PDE1C: variants seen among roughly 807,000 people sequenced by gnomAD.
The protein encoded by PDE1C is phosphodiesterase 1C.
PDE1C carries 62 observed loss-of-function variants against 93.1 expected under a neutral mutation model. That is an observed-to-expected ratio of 0.67 (90% CI 0.54 to 0.82). PDE1C has a LOEUF of 0.82. Ranked by LOEUF, PDE1C falls within the 40% of genes least tolerant of loss-of-function variation. The pLI, the probability that PDE1C is intolerant of heterozygous loss-of-function variation, is 0.00. For synonymous variants in PDE1C, 325 were observed against 310.1 expected (o/e 1.05, Z -0.50); for missense variants, 742 against 884.6 (o/e 0.84, Z 2.04).
At chr7:31,898,623 T>C (rs1470674790) in intron 2 of PDE1C, among the ~76,000 whole-genome samples, 1 of 152,226 alleles carries the variant, frequency 6.6e-6, no homozygotes, top group Non-Finnish European at 1.5e-5. Context: ...TTATTTTGGC[T>C]TTTATTTGAT....
At chr7:31,917,680 A>G (rs933834840) in intron 2 of PDE1C, among the ~76,000 whole-genome samples, 4 of 152,194 alleles carry the variant, frequency 2.6e-5, no homozygotes, top group Non-Finnish European at 5.9e-5. Flanking sequence ...CCTGTCCCCA[A>G]TTATTACATT....
At chr7:31,649,633 G>A in the PDE1C span, among the ~76,000 whole-genome samples, 1 of 152,140 alleles carries the variant, frequency 6.6e-6, no homozygotes, top group Non-Finnish European at 1.5e-5. Context: ...CAAGCCTGTG[G>A]GTCTGATAGA....
chr7:32,027,441 T>C (rs901753270), intron 2 of PDE1C, among the ~76,000 whole-genome samples: 10 of 151,974 alleles, frequency 6.6e-5, no homozygotes, highest in South Asian at 4.2e-4. Context: ...TTTCTGTTTG[T>C]TTGTGCTTAT....
intron 1 of PDE1C, among the ~76,000 whole-genome samples, chr7:32,409,924 A>G (rs1785131250): frequency 6.6e-6 from 1 of 152,040 alleles, no homozygotes; most frequent in Non-Finnish European, 1.5e-5. Context: ...GATTCTAATA[A>G]AAGTCAGAAA....
intron 3 of PDE1C, among the ~76,000 whole-genome samples, chr7:32,147,570 A>G (rs11972460): frequency 0.032 from 4,941 of 152,240 alleles, 267 homozygotes; most frequent in African/African-American, 0.11. Flanking sequence ...ATATTTTGAA[A>G]AAGCTCCCAA....
chr7:32,167,143 C>T (rs1052493724), intron 3 of PDE1C, among the ~76,000 whole-genome samples: 11 of 152,108 alleles, frequency 7.2e-5, no homozygotes, highest in South Asian at 6.2e-4. Context: ...ATAAACACTT[C>T]GTATCTTTGG....
At chr7:31,662,082 A>G in the PDE1C span, among the ~76,000 whole-genome samples, 4 of 152,062 alleles carry the variant, frequency 2.6e-5, no homozygotes, top group Non-Finnish European at 4.4e-5. Flanking sequence ...CATCACTTTT[A>G]CTTTTGTAGG....
At chr7:31,645,506 A>C in the PDE1C span, among the ~76,000 whole-genome samples, 1 of 152,134 alleles carries the variant, frequency 6.6e-6, no homozygotes, top group African/African-American at 2.4e-5. Flanking sequence ...GAAAAGAACA[A>C]AACCTAATGT....
chr7:32,411,844 C>A (rs1454861658), intron 1 of PDE1C, among the ~76,000 whole-genome samples: 1 of 151,826 alleles, frequency 6.6e-6, no homozygotes, highest in Non-Finnish European at 1.5e-5. Context: ...AAATTATTTT[C>A]TTTATATCCT....
At chr7:31,924,455 C>A (rs1220657239) in intron 2 of PDE1C, among the ~76,000 whole-genome samples, 1 of 152,186 alleles carries the variant, frequency 6.6e-6, no homozygotes, top group Non-Finnish European at 1.5e-5. Flanking sequence ...CTTTGAATTC[C>A]AACTTCAGGG....
At chr7:31,876,961 AG>A (rs1444989968) in intron 5 of PDE1C, among the ~76,000 whole-genome samples, 1 of 152,218 alleles carries the variant, frequency 6.6e-6, no homozygotes, top group East Asian at 1.9e-4. Flanking sequence ...GATTGTCCCA[AG>A]GGGCTCTTTC....
At chr7:31,914,241 T>C (rs1270316920) in intron 2 of PDE1C, among the ~76,000 whole-genome samples, 1 of 152,106 alleles carries the variant, frequency 6.6e-6, no homozygotes, top group African/African-American at 2.4e-5. Context: ...AATTAAAATA[T>C]AGTTTACTTT....
At chr7:31,804,977 TG>T (rs1335993503) in intron 16 of PDE1C, among the ~76,000 whole-genome samples, 1 of 151,792 alleles carries the variant, frequency 6.6e-6, no homozygotes, top group Non-Finnish European at 1.5e-5. Flanking sequence ...CCATGTGTCA[TG>T]GGAGGGACCC....
At chr7:31,763,913 A>G (rs1239648575) in intron 17 of PDE1C, among the ~76,000 whole-genome samples, 1 of 151,548 alleles carries the variant, frequency 6.6e-6, no homozygotes, top group Non-Finnish European at 1.5e-5. Context: ...CAGAGAATAC[A>G]CCACTTTGAT....
At chr7:32,021,166 A>G (rs6958618) in intron 2 of PDE1C, among the ~76,000 whole-genome samples, 4,708 of 152,172 alleles carry the variant, frequency 0.031, 252 homozygotes, top group African/African-American at 0.11. Context: ...GCTGGCCACT[A>G]AAGACTGCCG....
At chr7:31,927,055 C>A (rs1803485532) in intron 2 of PDE1C, among the ~76,000 whole-genome samples, 1 of 152,160 alleles carries the variant, frequency 6.6e-6, no homozygotes, top group Non-Finnish European at 1.5e-5. Context: ...AAGCTAAGAA[C>A]CAGTGGCTTG....
chr7:32,185,247 G>GAAAAAAAA (rs60570476), intron 2 of PDE1C, among the ~76,000 whole-genome samples: 1 of 101,586 alleles, frequency 9.8e-6, no homozygotes, highest in Non-Finnish European at 2.1e-5. Context: ...CTCTGTCTCA[G>GAAAAAAAA]AAAAAAAAAA....
rs144783300 is a variant in PDE1C at position 32,296,467 on chromosome 7, G to A, written c.85+2184C>T. Among the ~76,000 whole-genome samples, 143 of 152,334 alleles carry A rather than the reference G, an allele frequency of 9.4e-4. 1 individual carries two copies. The highest frequency in any genetic ancestry group is 3.2e-3 in the African/African-American group (133 of 41,592). ...CTTAGTATAGTAAAATTGAATAAAT[G>A]TGGAAAGGGGGAGGGAAGAAGAATA... is the stretch of plus-strand genomic sequence containing the variant. On this transcript the variant is annotated intron_variant, in intron 1 of 18. Coordinates refer to the PDE1C transcript ENST00000396193.
At chr7:32,403,048 G>C (rs923703904) in intron 1 of PDE1C, among the ~76,000 whole-genome samples, 4 of 152,178 alleles carry the variant, frequency 2.6e-5, no homozygotes, top group African/African-American at 7.2e-5. Flanking sequence ...ATAGAGGTGA[G>C]AGCCTGGGAC....
Sources: gnomAD v4.1 joint callset for allele counts (sites outside exome capture counted in the v4.1 genomes callset) on GRCh38, gnomAD v4.1.1 for gene constraint, MANE v1.5 for transcripts, NCBI Gene and HGNC (gene_info 2026-07-23, HGNC 2026-07-21) for gene names.